The following GNB4 variants were observed in gnomAD, a reference collection of about 807,000 sequenced individuals.
GNB4 encodes G protein subunit beta 4.
Under a neutral mutation model 45.2 loss-of-function variants are expected in GNB4, and 28 were observed. The ratio of observed to expected loss-of-function variants is 0.62; its 90% confidence interval spans 0.46 to 0.85. GNB4 has a LOEUF of 0.85. Among genes scored for constraint, GNB4 ranks in the 40% least tolerant of loss-of-function variants. The pLI, the probability that GNB4 is intolerant of heterozygous loss-of-function variation, is 0.00. For synonymous variants in GNB4, 132 were observed against 143.7 expected, an observed-to-expected ratio of 0.92 and a Z score of 0.58; for missense variants, 321 against 425.4, an observed-to-expected ratio of 0.75 and a Z score of 2.16.
At chr3:179,401,707 T>G (rs1714309034) in intron 9 of GNB4, among the ~76,000 whole-genome samples, 1 of 152,180 alleles carries the variant, frequency 6.6e-6, no homozygotes, top group Non-Finnish European at 1.5e-5. Flanking sequence ...AAAACAAGAT[T>G]TTCAATGAAG....
intron 1 of GNB4, among the ~76,000 whole-genome samples, chr3:179,449,117 G>A (rs1715807569): frequency 6.6e-6 from 1 of 152,182 alleles, no homozygotes; most frequent in Admixed American, 6.5e-5. Context: ...TAATTTGAGG[G>A]ATATCAAAGG....
the GNB4 span, among the ~76,000 whole-genome samples, chr3:179,486,499 T>A: frequency 2.0e-5 from 3 of 152,142 alleles, no homozygotes; most frequent in Non-Finnish European, 2.9e-5. Context: ...TTATTTATCT[T>A]TCAGCTAAAT....
chr3:179,431,465 A>C (rs1397680957), intron 1 of GNB4, among the ~76,000 whole-genome samples: 1 of 151,508 alleles, frequency 6.6e-6, no homozygotes, highest in African/African-American at 2.4e-5. Context: ...AAATTGAGGC[A>C]GGAGAATCGC....
chr3:179,426,237 A>C lies in GNB4; in HGVS notation c.-37T>G, dbSNP rs778207042. The C allele has an allele frequency of 2.0e-6, 3 of 1,484,676 alleles. No individual in the cohort carries two copies. The Admixed American group carries it at 6.7e-5, about 33-fold the overall frequency. The allele number at this position is 1,484,676 out of a possible 1,614,324, so 92.0% of individuals were successfully genotyped here. A position where few individuals can be genotyped will look rare whatever the true frequency, so the allele number is the denominator to read the frequency against. ...GTTTACCTCAGGAGCTAATGAGTGA[A>C]AACAGCTGTTAAAAAACAGAGAGCA... On this transcript the variant is annotated 5_prime_UTR_variant, in exon 2 of 10. Coordinates refer to ENST00000232564, the MANE Select transcript of GNB4 (RefSeq NM_021629.4).
intron 1 of GNB4, among the ~76,000 whole-genome samples, chr3:179,443,065 A>G (rs970841001): frequency 2.6e-5 from 4 of 152,254 alleles, no homozygotes; most frequent in African/African-American, 9.6e-5. Flanking sequence ...TTAAAGGGTT[A>G]GAATATGACA....
At chr3:179,421,925 T>C (rs755011700) in intron 2 of GNB4, among the ~76,000 whole-genome samples, 5 of 152,230 alleles carry the variant, frequency 3.3e-5, no homozygotes, top group Non-Finnish European at 7.3e-5. Context: ...GTGATGGGCC[T>C]GAACCATGTT....
At chr3:179,474,158 C>T in the GNB4 span, among the ~76,000 whole-genome samples, 6 of 152,130 alleles carry the variant, frequency 3.9e-5, no homozygotes, top group Non-Finnish European at 7.3e-5. Flanking sequence ...TACTGTACTC[C>T]ACCCTAGGCG....
chr3:179,422,645 CAA>C (rs931668543), intron 2 of GNB4, among the ~76,000 whole-genome samples: 5 of 152,038 alleles, frequency 3.3e-5, no homozygotes, highest in South Asian at 2.1e-4. Flanking sequence ...CACAAGAAAA[CAA>C]AATCTATTTT....
the GNB4 span, among the ~76,000 whole-genome samples, chr3:179,518,559 C>T: frequency 2.6e-5 from 4 of 152,152 alleles, no homozygotes; most frequent in Non-Finnish European, 4.4e-5. Flanking sequence ...TTTCCTCAGC[C>T]TCCACTCGCC....
Position 179,446,249 on chromosome 3 carries a change from C to T in GNB4, c.-43+5097G>A, listed in dbSNP as rs193077573. Among the ~76,000 whole-genome samples, 4 of 152,346 alleles carry T rather than the reference C, an allele frequency of 2.6e-5. No homozygotes were observed. In the East Asian group the frequency reaches 7.7e-4, roughly 29 times the overall value. ...AGCATGAAGATTTAGGGCACTGACTCTGGTCCTCCACTGCTGGAGTTTGAA... is the reference window on the plus strand; with the variant it reads ...AGCATGAAGATTTAGGGCACTGACTTTGGTCCTCCACTGCTGGAGTTTGAA... On this transcript the variant is annotated intron_variant, in intron 1 of 9. Coordinates refer to ENST00000232564, the MANE Select transcript of GNB4 (RefSeq NM_021629.4).
At chr3:179,513,531 A>G in the GNB4 span, among the ~76,000 whole-genome samples, 1 of 152,036 alleles carries the variant, frequency 6.6e-6, no homozygotes, top group Non-Finnish European at 1.5e-5. Flanking sequence ...GTACATGTAC[A>G]TAGTTTAAAT....
At chr3:179,495,142 A>G in the GNB4 span, among the ~76,000 whole-genome samples, 2 of 152,084 alleles carry the variant, frequency 1.3e-5, no homozygotes, top group Admixed American at 6.5e-5. Flanking sequence ...AGTCATAACT[A>G]CATGGGAGGC....
At chr3:179,464,901 G>A in the GNB4 span, 57 of 1,495,598 alleles carry the variant, frequency 3.8e-5, no homozygotes, top group Non-Finnish European at 4.6e-5. Context: ...ATAATTAAGC[G>A]AACTGACATT....
chr3:179,449,866 T>G (rs188409574), intron 1 of GNB4, among the ~76,000 whole-genome samples: 1 of 152,376 alleles, frequency 6.6e-6, no homozygotes, highest in East Asian at 1.9e-4. Flanking sequence ...TTCCAATTCT[T>G]AATTTTCAAA....
the GNB4 span, among the ~76,000 whole-genome samples, chr3:179,499,554 G>A: frequency 8.5e-5 from 13 of 152,312 alleles, no homozygotes; most frequent in African/African-American, 2.6e-4. Flanking sequence ...ATAAACATAC[G>A]TGTACATGTG....
At chr3:179,518,549 T>C in the GNB4 span, among the ~76,000 whole-genome samples, 3 of 152,102 alleles carry the variant, frequency 2.0e-5, no homozygotes, top group Non-Finnish European at 2.9e-5. Context: ...GGTCTCAATT[T>C]TTCCTCAGCC....
intron 9 of GNB4, 118 bp downstream of exon 9, chr3:179,405,072 A>G: frequency 1.5e-6 from 1 of 645,484 alleles, no homozygotes; most frequent in Non-Finnish European, 2.6e-6. Context: ...CATGATGAGA[A>G]CCATCGGGTT....
the GNB4 span, among the ~76,000 whole-genome samples, chr3:179,476,616 C>T: frequency 2.0e-5 from 3 of 152,214 alleles, no homozygotes; most frequent in Non-Finnish European, 2.9e-5. Flanking sequence ...TGGTGCTACC[C>T]TTGTGACAAG....
intron 1 of GNB4, among the ~76,000 whole-genome samples, chr3:179,446,652 A>G (rs1376771085): frequency 6.6e-6 from 1 of 152,118 alleles, no homozygotes; most frequent in East Asian, 1.9e-4. Context: ...TTCTTGACCT[A>G]TTCTACTCAC....
Sources: gnomAD v4.1 joint callset for allele counts (sites outside exome capture counted in the v4.1 genomes callset) on GRCh38, gnomAD v4.1.1 for gene constraint, MANE v1.5 for transcripts, NCBI Gene and HGNC (gene_info 2026-07-23, HGNC 2026-07-21) for gene names.